Variants in GALNT2 observed in about 807,000 individuals in gnomAD.
The protein encoded by GALNT2 is polypeptide N-acetylgalactosaminyltransferase 2.
GALNT2 carries 31 observed loss-of-function variants against 81.4 expected under a neutral mutation model. The ratio of observed to expected loss-of-function variants is 0.38; its 90% CI spans 0.29 to 0.51. The LOEUF (loss-of-function observed/expected upper bound fraction) is 0.51, where lower values mean the gene tolerates loss of function less well. GALNT2 is among the 20% of genes least tolerant of loss of function. GALNT2 has a pLI of 0.87. For missense variants in GALNT2, 629 were observed against 765.7 expected (o/e 0.82, Z 2.11); for synonymous variants, 303 against 287.4 (o/e 1.05, Z -0.55).
intron 11 of GALNT2, among the ~76,000 whole-genome samples, chr1:230,258,022 C>T (rs997034964): frequency 6.6e-6 from 1 of 152,178 alleles, no homozygotes; most frequent in African/African-American, 2.4e-5. Flanking sequence ...TCAAGAGATT[C>T]TCCTGTCTCA....
At chr1:230,266,232 C>A (rs574959268) in intron 14 of GALNT2, among the ~76,000 whole-genome samples, 1 of 152,162 alleles carries the variant, frequency 6.6e-6, no homozygotes, top group Non-Finnish European at 1.5e-5. Context: ...AAACCCACTA[C>A]CTTCTCTTCT....
intron 1 of GALNT2, among the ~76,000 whole-genome samples, chr1:230,086,480 A>G (rs935678350): frequency 1.3e-5 from 2 of 152,176 alleles, no homozygotes; most frequent in Admixed American, 1.3e-4. Flanking sequence ...AACTGTCTGC[A>G]TTGCTCACTC....
At chr1:230,082,065 A>C (rs1659749940) in intron 1 of GALNT2, among the ~76,000 whole-genome samples, 1 of 152,186 alleles carries the variant, frequency 6.6e-6, no homozygotes, top group African/African-American at 2.4e-5. Flanking sequence ...GCAGACCTGC[A>C]GGTCAGTGGT....
intron 14 of GALNT2, among the ~76,000 whole-genome samples, chr1:230,268,663 C>T (rs373388560): frequency 6.6e-6 from 1 of 152,198 alleles, no homozygotes; most frequent in East Asian, 1.9e-4. Context: ...TACCGCACAG[C>T]TAGTAACACG....
chr1:230,128,500 G>T (rs1053055879), intron 1 of GALNT2, among the ~76,000 whole-genome samples: 12 of 151,998 alleles, frequency 7.9e-5, no homozygotes, highest in Admixed American at 6.6e-4. Context: ...GTGCACCAGG[G>T]ATGGAGCCAC....
rs556244532 is a variant in GALNT2, at chr1:230,159,687, G to A, written c.127-18531G>A. 2.1e-4 allele frequency among the ~76,000 whole-genome samples: 32 copies of A among 152,360 alleles called. No homozygotes were observed. In the South Asian group the frequency reaches 6.2e-3, roughly 30 times the overall value. On this transcript the variant is annotated intron_variant, in intron 1 of 15. Transcript: ENST00000366672. Reference sequence around the variant, plus strand: ...GTTCCCACTGGGCAGGCTGTACGTGGTGAAGGTGATAGACTGCATGTCTCA... The same window carrying A: ...GTTCCCACTGGGCAGGCTGTACGTGATGAAGGTGATAGACTGCATGTCTCA...
chr1:230,090,445 G>A (rs1216058846), intron 1 of GALNT2, among the ~76,000 whole-genome samples: 1 of 152,136 alleles, frequency 6.6e-6, no homozygotes, highest in Non-Finnish European at 1.5e-5. Context: ...CCGTGTGAAG[G>A]TGGTGGACCT....
chr1:230,276,136 A>G (rs908704385), intron 15 of GALNT2, among the ~76,000 whole-genome samples: 2 of 151,930 alleles, frequency 1.3e-5, no homozygotes, highest in African/African-American at 2.4e-5. Context: ...ATATATACAT[A>G]TATATACACA....
chr1:230,244,463 C>T (rs1216086088), intron 7 of GALNT2, among the ~76,000 whole-genome samples: 1 of 151,826 alleles, frequency 6.6e-6, no homozygotes, highest in African/African-American at 2.4e-5. Context: ...AAGAACCCAC[C>T]CTGGAATCCC....
In GALNT2 at chr1:230,216,939, GA is replaced by G. The variant is rs1285626257; in HGVS notation, c.374+13651del. 4.6e-5 allele frequency among the ~76,000 whole-genome samples: 7 copies of G among 152,096 alleles called. No homozygotes were observed. In the East Asian group the frequency reaches 1.3e-3, roughly 29 times the overall value. ...TTTAAAAAAGGAAATATCCCAATAG[GA>G]ATATTGTACTTGGATTTAAAGTTTT... On this transcript the variant is annotated intron_variant, in intron 3 of 15. Coordinates refer to ENST00000366672, the MANE Select transcript of GALNT2 (RefSeq NM_004481.5).
intron 1 of GALNT2, among the ~76,000 whole-genome samples, chr1:230,141,788 C>CTTTTTTT (rs60824749): frequency 1.5e-4 from 15 of 101,326 alleles, no homozygotes; most frequent in East Asian, 1.3e-3. Context: ...TTTTGTTTTC[C>CTTTTTTT]TTTTTTTTTT....
At chr1:230,235,116 A>C (rs968918451) in intron 3 of GALNT2, among the ~76,000 whole-genome samples, 1 of 146,100 alleles carries the variant, frequency 6.8e-6, no homozygotes, top group African/African-American at 2.5e-5. Flanking sequence ...TGGGAGGCTG[A>C]GGTAGGAGCA....
intron 1 of GALNT2, among the ~76,000 whole-genome samples, chr1:230,149,984 C>T (rs892119918): frequency 6.6e-6 from 1 of 152,140 alleles, no homozygotes; most frequent in Non-Finnish European, 1.5e-5. Context: ...TTCTCAGAAA[C>T]GCTTCTCAAC....
At chr1:230,197,382 G>C (rs11808224) in intron 2 of GALNT2, among the ~76,000 whole-genome samples, 29,960 of 151,990 alleles carry the variant, frequency 0.2, 3,381 homozygotes, top group African/African-American at 0.31. Context: ...GTGCCCACAG[G>C]ACCCCCATAA....
In GALNT2 at chr1:230,217,793, C is replaced by A. The variant is rs79975717; in HGVS notation, c.374+14503C>A. 7.2e-3 allele frequency among the ~76,000 whole-genome samples: 1,097 copies of A among 152,320 alleles called. 5 individuals carry two copies. Among genetic ancestry groups the A allele is most frequent in the Non-Finnish European group, 9.1e-3 (620 of 68,036 alleles). ...AGAAAGGCAAAAAAGGGACAAACTC[C>A]CTTCATTAAGCCCTTTTAAAGGGTC... On this transcript the variant is annotated intron_variant, in intron 3 of 15. Transcript: ENST00000366672.
At chr1:230,242,483 C>T (rs1230087907) in intron 6 of GALNT2, among the ~76,000 whole-genome samples, 1 of 151,960 alleles carries the variant, frequency 6.6e-6, no homozygotes, top group Non-Finnish European at 1.5e-5. Flanking sequence ...ATAGCAAAAG[C>T]CATTTATGAC....
chr1:230,225,638 A>G (rs1407237805), intron 3 of GALNT2, among the ~76,000 whole-genome samples: 1 of 150,248 alleles, frequency 6.7e-6, no homozygotes, highest in Non-Finnish European at 1.5e-5. Context: ...TGTGGTAGAG[A>G]GGAGGAATGG....
chr1:230,235,871 ACAGGC>A, intron 3 of GALNT2, 138 bp from the exon 4 acceptor site: 1 of 677,954 alleles, frequency 1.5e-6, no homozygotes, highest in South Asian at 1.9e-5. Flanking sequence ...TCATCTCAGA[ACAGGC>A]CAGGAACTTC....
chr1:230,119,460 G>C lies in GALNT2; in HGVS notation c.126+52054G>C, dbSNP rs181788628. On this transcript the variant is annotated intron_variant, in intron 1 of 15. Coordinates refer to ENST00000366672, the MANE Select transcript of GALNT2 (RefSeq NM_004481.5). Reference sequence around the variant, plus strand: ...AGGGATGGGCGAGGCTGCTCGCCACGTGGGGTCTGTGCTGCACTCTTGGAC... The same window carrying C: ...AGGGATGGGCGAGGCTGCTCGCCACCTGGGGTCTGTGCTGCACTCTTGGAC... Among the ~76,000 whole-genome samples the C allele has an allele frequency of 1.2e-4, 18 of 152,288 alleles. No homozygotes were observed. The East Asian group carries it at 3.5e-3, about 29-fold the overall frequency.
Sources: allele counts gnomAD v4.1 joint callset (sites outside exome capture counted in the v4.1 genomes callset), GRCh38; gene constraint gnomAD v4.1.1; transcripts MANE v1.5; gene names NCBI Gene and HGNC (gene_info 2026-07-23, HGNC 2026-07-21).